ADGRL2: variants seen among roughly 807,000 people sequenced by gnomAD.
The protein encoded by ADGRL2 is adhesion G protein-coupled receptor L2.
In ADGRL2, 44 loss-of-function variants were observed where a neutral mutation model predicts 157.4. The ratio of observed to expected loss-of-function variants is 0.28; its 90% CI spans 0.22 to 0.36. The LOEUF (loss-of-function observed/expected upper bound fraction) is 0.36. ADGRL2 is among the 10% of genes least tolerant of loss of function. The pLI is 1.00. For synonymous variants in ADGRL2, 585 were observed against 624.7 expected (o/e 0.94, Z 0.95); for missense variants, 1,510 against 1,768.9 (o/e 0.85, Z 2.63).
rs1487114049 is a variant in ADGRL2 at position 81,800,971 on chromosome 1, G to A, written c.-198G>A. ...GCGTCCCTCGCCGCCACCGCCGCCC[G>A]GACAGCCCTGCGGCCGCCCCGCCGG... is the stretch of plus-strand genomic sequence containing the variant. On this transcript the variant is annotated 5_prime_UTR_variant, in exon 1 of 24. Coordinates refer to ENST00000686636, the MANE Select transcript of ADGRL2 (RefSeq NM_001366006.2). Among the ~76,000 whole-genome samples, 1 of 149,536 alleles carries A rather than the reference G, an allele frequency of 6.7e-6. No homozygotes were observed. The highest frequency in any genetic ancestry group is 1.5e-5 in the Non-Finnish European group (1 of 67,272).
chr1:81,313,395 C>T (rs1244828754), intron 1 of ADGRL2, among the ~76,000 whole-genome samples: 1 of 152,106 alleles, frequency 6.6e-6, no homozygotes, highest in African/African-American at 2.4e-5. Flanking sequence ...ACATTTTCAC[C>T]CAATTCTGCT....
chr1:81,411,199 A>G (rs2076939549), intron 1 of ADGRL2, among the ~76,000 whole-genome samples: 1 of 152,240 alleles, frequency 6.6e-6, no homozygotes, highest in Non-Finnish European at 1.5e-5. Context: ...GAAAGTCAGC[A>G]ATAACATTCA....
chr1:81,756,015 T>C (rs1032221805), intron 1 of ADGRL2, among the ~76,000 whole-genome samples: 2 of 152,188 alleles, frequency 1.3e-5, no homozygotes, highest in South Asian at 2.1e-4. Context: ...TTAAGAAACA[T>C]TTCTTTAAAA....
chr1:81,925,050 T>G (rs1031287153), intron 3 of ADGRL2, among the ~76,000 whole-genome samples: 8 of 152,134 alleles, frequency 5.3e-5, no homozygotes, highest in African/African-American at 1.9e-4. Context: ...CATGAGGGTA[T>G]ACTCTCTATA....
intron 2 of ADGRL2, among the ~76,000 whole-genome samples, chr1:81,567,420 T>G (rs991475563): frequency 6.6e-6 from 1 of 152,112 alleles, no homozygotes; most frequent in Non-Finnish European, 1.5e-5. Context: ...CTCCCATTTG[T>G]GTGTCCCTAT....
chr1:81,378,443 C>T (rs1357037757), intron 1 of ADGRL2, among the ~76,000 whole-genome samples: 2 of 151,840 alleles, frequency 1.3e-5, no homozygotes, highest in African/African-American at 2.4e-5. Flanking sequence ...TGCCTGTAGT[C>T]CCAGCTACTT....
chr1:81,584,010 C>T (rs2080971445), intron 3 of ADGRL2, among the ~76,000 whole-genome samples: 1 of 152,140 alleles, frequency 6.6e-6, no homozygotes, highest in Non-Finnish European at 1.5e-5. Flanking sequence ...CAGACCTCTG[C>T]TTAATTGCTA....
intron 2 of ADGRL2, among the ~76,000 whole-genome samples, chr1:81,507,967 T>C: frequency 1.3e-5 from 2 of 152,334 alleles, no homozygotes; most frequent in Middle Eastern, 6.8e-3. Flanking sequence ...AGAAAACATT[T>C]CTTTTTTCTT....
intron 1 of ADGRL2, among the ~76,000 whole-genome samples, chr1:81,814,556 A>G (rs1571379687): frequency 6.6e-6 from 1 of 151,602 alleles, no homozygotes; most frequent in South Asian, 2.1e-4. Context: ...AAAATTATAA[A>G]CCTGCATGTT....
At chr1:81,547,845 T>G (rs992337198) in intron 2 of ADGRL2, among the ~76,000 whole-genome samples, 2 of 152,224 alleles carry the variant, frequency 1.3e-5, no homozygotes, top group Non-Finnish European at 2.9e-5. Flanking sequence ...GTCAGTGCTT[T>G]AATTTACTAT....
chr1:81,386,584 G>A (rs777233836), intron 1 of ADGRL2, among the ~76,000 whole-genome samples: 1 of 152,054 alleles, frequency 6.6e-6, no homozygotes, highest in Non-Finnish European at 1.5e-5. Flanking sequence ...CCTTACAAAA[G>A]AATATATTAC....
At chr1:81,563,628 T>G (rs2080494803) in intron 2 of ADGRL2, among the ~76,000 whole-genome samples, 1 of 152,184 alleles carries the variant, frequency 6.6e-6, no homozygotes, top group Non-Finnish European at 1.5e-5. Context: ...TCACTCTTTT[T>G]TTGTTTTTCA....
chr1:81,818,689 G>A (rs2090667925), intron 1 of ADGRL2, among the ~76,000 whole-genome samples: 1 of 152,084 alleles, frequency 6.6e-6, no homozygotes, highest in Non-Finnish European at 1.5e-5. Flanking sequence ...TAAGGACTGT[G>A]CTCACTAGGT....
At position 81,498,214 on chromosome 1, in the gene ADGRL2, G is replaced by A. The variant is rs118023036; in HGVS notation, c.-248+53125G>A. On this transcript the variant is annotated intron_variant, in intron 2 of 24. Coordinates refer to the ADGRL2 transcript ENST00000370721. ...TGTCTGCAAAAATCTAGCAAGTATC[G>A]TGAAATTATCTTGTTATAAAGTTGG... Among the ~76,000 whole-genome samples the A allele has an allele frequency of 1.6e-3, 237 of 152,220 alleles. 1 individual carries two copies. The East Asian group carries it at 0.028, about 18-fold the overall frequency.
intron 2 of ADGRL2, chr1:81,513,825 A>G (rs977549723): frequency 1.3e-5 from 2 of 152,214 alleles, no homozygotes; most frequent in Non-Finnish European, 2.9e-5. Context: ...CTGCATATCA[A>G]TGTCTTTGAA....
At position 81,422,256 on chromosome 1, in the gene ADGRL2, T is replaced by G. The variant is rs1447128984; in HGVS notation, c.-301-22780T>G. 2.0e-5 allele frequency among the ~76,000 whole-genome samples: 3 copies of G among 152,220 alleles called. No individual in the cohort carries two copies. The East Asian group carries it at 5.8e-4, about 29-fold the overall frequency. On this transcript the variant is annotated intron_variant, in intron 1 of 24. Transcript: ENST00000370721. ...ATGCATTTTATCATACAAACAATTT[T>G]TTTTTTGAGACGGAGTCTCGTTCTG...
intron 1 of ADGRL2, among the ~76,000 whole-genome samples, chr1:81,393,543 C>T (rs2076597821): frequency 6.6e-6 from 1 of 152,144 alleles, no homozygotes; most frequent in Non-Finnish European, 1.5e-5. Context: ...ATTCTACAAA[C>T]TTCCTCTCCC....
chr1:81,590,532 C>T (rs1316086737), intron 3 of ADGRL2, among the ~76,000 whole-genome samples: 1 of 152,026 alleles, frequency 6.6e-6, no homozygotes, highest in Non-Finnish European at 1.5e-5. Flanking sequence ...CAATGGACCC[C>T]AGTCTTTTAA....
intron 1 of ADGRL2, chr1:81,722,993 A>T (rs2084386720): frequency 1.3e-6 from 1 of 786,330 alleles, no homozygotes; most frequent in South Asian, 1.3e-5. Context: ...GAACCCAGCA[A>T]ATTTGTCAAA....
Sources: allele counts gnomAD v4.1 joint callset (sites outside exome capture counted in the v4.1 genomes callset), GRCh38; gene constraint gnomAD v4.1.1; transcripts MANE v1.5; gene names NCBI Gene and HGNC (gene_info 2026-07-23, HGNC 2026-07-21).